Variants in NEK6 observed in about 807,000 individuals in gnomAD.
NEK6 encodes the protein serine/threonine-protein kinase Nek6.
In NEK6, 27 loss-of-function variants were observed where a neutral mutation model predicts 43.5. That is an observed-to-expected ratio of 0.62 (90% CI 0.46 to 0.86). The LOEUF (loss-of-function observed/expected upper bound fraction) is 0.86, where lower values mean the gene tolerates loss of function less well. NEK6 is among the 40% of genes least tolerant of loss of function. The pLI is 0.00. For missense variants in NEK6, 318 were observed against 414.4 expected, an observed-to-expected ratio of 0.77 and a Z score of 2.02; for synonymous variants, 167 against 164.1, an observed-to-expected ratio of 1.02 and a Z score of -0.14.
intron 2 of NEK6, among the ~76,000 whole-genome samples, chr9:124,302,333 C>T (rs1457658142): frequency 6.6e-6 from 1 of 152,180 alleles, no homozygotes; most frequent in Admixed American, 6.5e-5. Context: ...ACAGCTTTAT[C>T]TCAGGGATCA....
At position 124,292,049 on chromosome 9, in the gene NEK6, G is replaced by A. The variant is rs186302284; in HGVS notation, c.-29-9887G>A. 7.9e-6 allele frequency: 8 copies of A among 1,014,842 alleles called. No homozygotes were observed. The Admixed American group carries it at 2.1e-4, about 27-fold the overall frequency. 62.9% of individuals were successfully genotyped at this position (1,014,842 alleles called of 1,614,324 possible). ...ATGTCTGCCCTCAACCCAGAGTGGA[G>A]CAGACCTTCCCTGGAGCTTCTCAGG... On this transcript the variant is annotated intron_variant, in intron 1 of 9. Transcript: ENST00000320246.
At chr9:124,346,410 CTG>C (rs954714365) in intron 8 of NEK6, among the ~76,000 whole-genome samples, 3 of 152,188 alleles carry the variant, frequency 2.0e-5, no homozygotes, top group African/African-American at 7.2e-5. Context: ...CGCTCAGCCT[CTG>C]GGGCGCGAGG....
intron 8 of NEK6, 109 bp from the exon 9 acceptor site, chr9:124,347,600 C>T (rs548700407): frequency 6.4e-6 from 4 of 628,156 alleles, no homozygotes; most frequent in East Asian, 2.9e-5. Context: ...TCGCCGCGGT[C>T]GGGACCAGAG....
chr9:124,258,083 C>G lies in NEK6; in HGVS notation c.-32C>G. ...AGCGGCAGCCGAGCCCGCCCGCGCG[C>G]CGGTGAGTCGCCTGGGGCTGGGGCC... On this transcript the variant is annotated splice_region_variant and 5_prime_UTR_variant, in exon 1 of 10. Transcript: ENST00000320246. 1.0e-6 allele frequency: 1 copy of G among 979,336 alleles called. No individual in the cohort carries two copies. Among genetic ancestry groups the G allele is most frequent in the Non-Finnish European group, 1.2e-6 (1 of 827,624 alleles). 60.7% of individuals were successfully genotyped at this position (979,336 alleles called of 1,614,324 possible). A position where few individuals can be genotyped will look rare whatever the true frequency, so the allele number is the denominator to read the frequency against.
At chr9:124,278,309 C>T (rs544103155) in intron 1 of NEK6, among the ~76,000 whole-genome samples, 10 of 152,194 alleles carry the variant, frequency 6.6e-5, no homozygotes, top group Non-Finnish European at 1.2e-4. Flanking sequence ...GAGTGTGTCC[C>T]TGTCGCTAAG....
chr9:124,317,198 G>A (rs1833860466), intron 4 of NEK6, among the ~76,000 whole-genome samples: 1 of 152,232 alleles, frequency 6.6e-6, no homozygotes, highest in South Asian at 2.1e-4. Flanking sequence ...GTGATGGCCA[G>A]TGTTCGCGCA....
At chr9:124,304,403 C>G (rs529270724) in intron 2 of NEK6, among the ~76,000 whole-genome samples, 1 of 152,322 alleles carries the variant, frequency 6.6e-6, no homozygotes, top group East Asian at 1.9e-4. Context: ...TTTCCGCACC[C>G]AGCTCTCCGT....
At chr9:124,291,540 C>T (rs771566202) in intron 1 of NEK6, among the ~76,000 whole-genome samples, 47 of 152,250 alleles carry the variant, frequency 3.1e-4, no homozygotes, top group Admixed American at 9.2e-4. Context: ...GCAGGAGAAT[C>T]GCTTGAACCT....
chr9:124,258,923 C>G (rs1830917838), intron 1 of NEK6, among the ~76,000 whole-genome samples: 2 of 152,266 alleles, frequency 1.3e-5, no homozygotes, highest in Admixed American at 1.3e-4. Flanking sequence ...ATCCTCCAGG[C>G]TCTCCTGTCT....
intron 4 of NEK6, among the ~76,000 whole-genome samples, chr9:124,314,431 T>A (rs908549143): frequency 7.9e-5 from 12 of 152,014 alleles, no homozygotes; most frequent in African/African-American, 2.9e-4. Context: ...CTCATCCTCT[T>A]TCCATCTCTC....
intron 3 of NEK6, 73 bp from the exon 4 acceptor site, chr9:124,313,850 G>T: frequency 1.3e-6 from 2 of 1,506,440 alleles, no homozygotes; most frequent in South Asian, 2.3e-5. Flanking sequence ...CTGGAAAGCA[G>T]ACCCCGTGGC....
In NEK6 at chr9:124,326,798, C is replaced by A. The variant is rs1333844435; in HGVS notation, c.514+360C>A. ...GGGGAGGCACCTGAGAGGGGTGTTT[C>A]CACAGTTGACATGATTCCGAGTTGT... On this transcript the variant is annotated intron_variant, in intron 6 of 9. Coordinates refer to ENST00000320246, the MANE Select transcript of NEK6 (RefSeq NM_014397.6). The surrounding 1 kb of genome is among the most constrained non-coding windows in gnomAD (Gnocchi z 4.5). 2.0e-5 allele frequency among the ~76,000 whole-genome samples: 3 copies of A among 152,172 alleles called. No individual in the cohort carries two copies. Among genetic ancestry groups the A allele is most frequent in the Non-Finnish European group, 4.4e-5 (3 of 68,024 alleles).
intron 9 of NEK6, among the ~76,000 whole-genome samples, chr9:124,348,703 C>T (rs1440184850): frequency 6.6e-6 from 1 of 152,230 alleles, no homozygotes; most frequent in African/African-American, 2.4e-5. Flanking sequence ...AGTCAGTGTT[C>T]ACTAAATATC....
intron 7 of NEK6, 49 bp from the exon 8 acceptor site, chr9:124,339,522 C>G (rs777382702): frequency 3.7e-6 from 5 of 1,365,492 alleles, no homozygotes; most frequent in Non-Finnish European, 4.2e-6. Flanking sequence ...TGTGCCCTGC[C>G]CCTGCCCTAC....
chr9:124,280,963 ATT>A (rs1357538197), intron 1 of NEK6, among the ~76,000 whole-genome samples: 1 of 151,504 alleles, frequency 6.6e-6, no homozygotes, highest in Non-Finnish European at 1.5e-5. Flanking sequence ...TAATTTTTGT[ATT>A]TTTTGTGGAG....
At chr9:124,309,919 G>C (rs1833445529) in intron 2 of NEK6, among the ~76,000 whole-genome samples, 1 of 152,246 alleles carries the variant, frequency 6.6e-6, no homozygotes, top group Admixed American at 6.5e-5. Flanking sequence ...TCAGTGCAGA[G>C]GACGTGGAGG....
chr9:124,339,642 T>G lies in NEK6; in HGVS notation c.694T>G (p.Ser232Ala), dbSNP rs779050538. The G allele has an allele frequency of 1.4e-5, 22 of 1,613,910 alleles. No homozygotes were observed. Among genetic ancestry groups the G allele is most frequent in the Non-Finnish European group, 1.6e-5 (19 of 1,179,822 alleles). The change falls in exon 8 of 10, where the codon TCC becomes GCC. Residue 232 changes from serine to alanine, a missense_variant. Ser to Ala is a moderately conservative substitution (Grantham distance 99). Coordinates refer to ENST00000320246, the MANE Select transcript of NEK6 (RefSeq NM_014397.6). ...NGYNFKSDIW[S>A]LGCLLYEMAA... Reference sequence around the variant, plus strand: ...CTACAACTTCAAGTCCGACATCTGGTCCCTGGGCTGTCTGCTGTACGAGGT... The same window carrying G: ...CTACAACTTCAAGTCCGACATCTGGGCCCTGGGCTGTCTGCTGTACGAGGT...
At chr9:124,321,260 G>C (rs1031196078) in intron 4 of NEK6, among the ~76,000 whole-genome samples, 199 bp from the exon 5 acceptor site, 2 of 152,236 alleles carry the variant, frequency 1.3e-5, no homozygotes, top group African/African-American at 4.8e-5. Flanking sequence ...CTGAGACTTG[G>C]GGATGCAAAG....
In NEK6 at chr9:124,326,949, C is replaced by T. The variant is rs967303798; in HGVS notation, c.515-389C>T. 6.6e-6 allele frequency among the ~76,000 whole-genome samples: 1 copy of T among 152,158 alleles called. No homozygotes were observed. Among genetic ancestry groups the T allele is most frequent in the Admixed American group, 6.5e-5 (1 of 15,278 alleles). ...TCTGCTGTATTGGAGGCCCCGCCCTCACTGGGGGGTACGGCACTGGGTGCT... is the reference window on the plus strand; with the variant it reads ...TCTGCTGTATTGGAGGCCCCGCCCTTACTGGGGGGTACGGCACTGGGTGCT... On this transcript the variant is annotated intron_variant, in intron 6 of 9. Coordinates refer to ENST00000320246, the MANE Select transcript of NEK6 (RefSeq NM_014397.6). The surrounding 1 kb of genome is among the most constrained non-coding windows in gnomAD (Gnocchi z 4.5).
Sources: gnomAD v4.1 joint callset for allele counts (sites outside exome capture counted in the v4.1 genomes callset) on GRCh38, gnomAD v4.1.1 for gene constraint, Gnocchi (gnomAD v3.1) non-coding constraint, MANE v1.5 for transcripts, NCBI Gene and HGNC (gene_info 2026-07-23, HGNC 2026-07-21) for gene names.